The following COL5A1 variants were observed in gnomAD, a reference collection of about 807,000 sequenced individuals.
The protein encoded by COL5A1 is collagen alpha-1(V) chain.
In COL5A1, 16 loss-of-function variants were observed where a neutral mutation model predicts 263.7. That is an observed-to-expected ratio of 0.06 (90% CI 0.04 to 0.09). The LOEUF is 0.09. Among genes scored for constraint, COL5A1 ranks in the 10% least tolerant of loss-of-function variants. The pLI is 1.00. For synonymous variants in COL5A1, 1,012 were observed against 1,004.5 expected (o/e 1.01, Z -0.14); for missense variants, 2,036 against 2,540.5 (o/e 0.80, Z 4.27).
At chr9:134,645,301 G>C (rs559836854) in intron 1 of COL5A1, among the ~76,000 whole-genome samples, 4 of 152,176 alleles carry the variant, frequency 2.6e-5, no homozygotes, top group African/African-American at 9.7e-5. Context: ...TGCCCGTCCC[G>C]CCCTGCCTTC....
chr9:134,756,843 T>G, intron 17 of COL5A1, 25 bp downstream of exon 17: 1 of 1,611,094 alleles, frequency 6.2e-7, no homozygotes, highest in Non-Finnish European at 8.5e-7. Flanking sequence ...ACCCTCCTGG[T>G]GCCCTGGCAT....
chr9:134,823,456 C>T lies in COL5A1; in HGVS notation c.4685C>T (p.Pro1562Leu), dbSNP rs772020996. 3.1e-6 allele frequency: 5 copies of T among 1,614,162 alleles called. No individual in the cohort carries two copies. In the South Asian group the frequency reaches 4.4e-5, roughly 14 times the overall value. ...GPKGEAGHPG[P>L]PGPPGPPGEV... The stretch of plus-strand genomic sequence containing the variant: ...AAGGGTGAGGCAGGCCACCCAGGAC[C>T]CCCAGGCCCCCCGGTAAGTAGCCCT... The change falls in exon 61 of 66, where the codon CCC becomes CTC. Residue 1562 changes from proline (P) to leucine (L), a missense_variant. Around this residue, in one of 3 missense-constraint regions of COL5A1, gnomAD observed 358 missense variants for 384.6 expected, o/e 0.93. Coordinates refer to ENST00000371817, the MANE Select transcript of COL5A1 (RefSeq NM_000093.5).
Position 134,752,909 on chromosome 9 carries a change from C to T in COL5A1, c.1719+264C>T, listed in dbSNP as rs142513996. ...TTCAGCGGGGTAGAGCTGACATCAG[C>T]GATCCTGGGAAACAGCCTCCAACTC... On this transcript the variant is annotated intron_variant, in intron 14 of 65. Coordinates refer to ENST00000371817, the MANE Select transcript of COL5A1 (RefSeq NM_000093.5). Among the ~76,000 whole-genome samples the T allele has an allele frequency of 4.9e-3, 745 of 152,190 alleles. 7 individuals are homozygous for T. The highest frequency in any genetic ancestry group is 0.017 in the African/African-American group (712 of 41,530).
chr9:134,824,575 C>T, intron 61 of COL5A1, 25 bp from the exon 62 acceptor site: 2 of 1,613,272 alleles, frequency 1.2e-6, no homozygotes, highest in Non-Finnish European at 1.7e-6. Flanking sequence ...CCATCACCCA[C>T]CGCTGCTCCT....
chr9:134,808,392 G>T (rs1308147323), intron 42 of COL5A1, among the ~76,000 whole-genome samples: 1 of 152,186 alleles, frequency 6.6e-6, no homozygotes, highest in Non-Finnish European at 1.5e-5. Context: ...TACCAAGCAG[G>T]CAGTTAGGAG....
In COL5A1 at chr9:134,682,309, G is replaced by C. The variant is rs1192920312; in HGVS notation, c.110-8603G>C. Among the ~76,000 whole-genome samples the C allele has an allele frequency of 6.6e-6, 1 of 152,198 alleles. No homozygotes were observed. The highest frequency in any genetic ancestry group is 2.4e-5 in the African/African-American group (1 of 41,460). On this transcript the variant is annotated intron_variant, in intron 1 of 65. Transcript: ENST00000371817. This position sits in a 1 kb window ranked among gnomAD's most constrained non-coding sequence, Gnocchi z 5.1. ...ATGCTGCCTGGAGGCCGGGTCCTGA[G>C]CGGAGCACTCTGTACCTGTGTCACC...
chr9:134,753,766 G>GGC, intron 14 of COL5A1, 84 bp from the exon 15 acceptor site: 4 of 615,308 alleles, frequency 6.5e-6, no homozygotes, highest in East Asian at 3.7e-5. Flanking sequence ...CCCTCCCCCT[G>GGC]CCCCTCCCCT....
chr9:134,762,055 A>G (rs1836467051), intron 19 of COL5A1, 77 bp downstream of exon 19: 2 of 1,498,644 alleles, frequency 1.3e-6, no homozygotes, highest in Non-Finnish European at 1.9e-6. Flanking sequence ...ACCACAGAAG[A>G]GAGGCCCAGG....
At chr9:134,782,818 C>T in intron 29 of COL5A1, 98 bp downstream of exon 29, 2 of 1,193,136 alleles carry the variant, frequency 1.7e-6, no homozygotes, top group Non-Finnish European at 2.5e-6. Context: ...GGCAGCTTCT[C>T]AGAATGGAGG....
intron 18 of COL5A1, among the ~76,000 whole-genome samples, chr9:134,759,267 C>CACGCA (rs1491328092): frequency 2.8e-5 from 3 of 107,546 alleles, no homozygotes; most frequent in African/African-American, 1.1e-4. Flanking sequence ...CGCGCACACA[C>CACGCA]TCATACACAC....
chr9:134,815,515 C>T (rs767368960), intron 50 of COL5A1, 61 bp from the exon 51 acceptor site: 42 of 1,539,284 alleles, frequency 2.7e-5, no homozygotes, highest in Admixed American at 3.6e-5. Flanking sequence ...CATGATTGGC[C>T]GTGTGTGGTC....
At chr9:134,806,032 C>G (rs566906461) in intron 41 of COL5A1, among the ~76,000 whole-genome samples, 157 bp from the exon 42 acceptor site, 2 of 152,178 alleles carry the variant, frequency 1.3e-5, no homozygotes, top group Admixed American at 6.5e-5. Context: ...GAGCCCCGAA[C>G]GCTAGACCAG....
chr9:134,778,900 C>T (rs1050533721), intron 27 of COL5A1, among the ~76,000 whole-genome samples: 1 of 152,232 alleles, frequency 6.6e-6, no homozygotes, highest in Non-Finnish European at 1.5e-5. Flanking sequence ...GAGTGGAAGG[C>T]GTTTCTGCAG....
Position 134,658,995 on chromosome 9 carries a change from T to C in COL5A1, c.109+16699T>C, listed in dbSNP as rs549545685. ...CCCCAAGTGCCTTCACACTGTGTTT[T>C]ATCCCGATGGCCTCTGTGTAAGGCA... On this transcript the variant is annotated intron_variant, in intron 1 of 65. Coordinates refer to ENST00000371817, the MANE Select transcript of COL5A1 (RefSeq NM_000093.5). 1.2e-4 allele frequency among the ~76,000 whole-genome samples: 19 copies of C among 152,344 alleles called. No individual in the cohort carries two copies. The Middle Eastern group carries it at 0.01, about 82-fold the overall frequency.
At chr9:134,718,360 A>AG (rs1834343831) in intron 4 of COL5A1, among the ~76,000 whole-genome samples, 1 of 152,194 alleles carries the variant, frequency 6.6e-6, no homozygotes, top group Non-Finnish European at 1.5e-5. Flanking sequence ...ATGACCTGGC[A>AG]GGGGGCAGAA....
At position 134,759,834 on chromosome 9, in the gene COL5A1, C is replaced by CCCA. The variant is rs1554794174; in HGVS notation, c.1935+1539_1935+1540insCAC. On this transcript the variant is annotated intron_variant, in intron 18 of 65. Coordinates refer to ENST00000371817, the MANE Select transcript of COL5A1 (RefSeq NM_000093.5). ...CACACGCATACACACCCACACCCCCCCACTCACGCACACCCCCACACCCCC... is the reference window on the plus strand; with the variant it reads ...CACACGCATACACACCCACACCCCCCCCACACTCACGCACACCCCCACACCCCC... Among the ~76,000 whole-genome samples the CCCA allele has an allele frequency of 8.5e-5, 6 of 70,602 alleles. 1 individual carries two copies. The highest frequency in any genetic ancestry group is 5.4e-4 in the African/African-American group (6 of 11,078). 46.3% of individuals were successfully genotyped at this position (70,602 alleles called of 152,430 possible). A position where few individuals can be genotyped will look rare whatever the true frequency, so the allele number is the denominator to read the frequency against.
chr9:134,744,163 G>A (rs1835388030), intron 11 of COL5A1, among the ~76,000 whole-genome samples: 1 of 152,176 alleles, frequency 6.6e-6, no homozygotes, highest in African/African-American at 2.4e-5. Context: ...TTGCTTTCCT[G>A]GCTCCCAGGC....
chr9:134,714,580 AGGT>A (rs1056036149), intron 4 of COL5A1, among the ~76,000 whole-genome samples: 25 of 112,920 alleles, frequency 2.2e-4, no homozygotes, highest in African/African-American at 8.5e-4. Flanking sequence ...ATTTTGGTGA[AGGT>A]GGTGGTGGAG....
chr9:134,758,150 C>G lies in COL5A1; in HGVS notation c.1882-93C>G. 1 of 1,330,042 alleles carries G rather than the reference C, an allele frequency of 7.5e-7. No homozygotes were observed. Among genetic ancestry groups the G allele is most frequent in the Non-Finnish European group, 1.1e-6 (1 of 924,106 alleles). The allele number at this position is 1,330,042 out of a possible 1,614,324, so 82.4% of individuals were successfully genotyped here. ...CATAGATGCTGTGTGAAACGTGGTC[C>G]AAGGCGGGGCGGCCATCACTTGGTG... is the stretch of plus-strand genomic sequence containing the variant. On this transcript the variant is annotated intron_variant, in intron 17 of 65. Transcript: ENST00000371817. This position sits in a 1 kb window ranked among gnomAD's most constrained non-coding sequence, Gnocchi z 4.1.
Sources: gnomAD v4.1 joint callset for allele counts (sites outside exome capture counted in the v4.1 genomes callset) on GRCh38, gnomAD v4.1.1 for gene constraint, gnomAD v4.1.1 regional missense constraint, Gnocchi (gnomAD v3.1) non-coding constraint, MANE v1.5 for transcripts, NCBI Gene and HGNC (gene_info 2026-07-23, HGNC 2026-07-21) for gene names.